GPC6: variants seen among roughly 807,000 people sequenced by gnomAD.
GPC6 encodes the protein glypican-6.
GPC6 carries 14 observed loss-of-function variants against 55.2 expected under a neutral mutation model. That is an observed-to-expected ratio of 0.25 (90% CI 0.17 to 0.40). The LOEUF is 0.40. GPC6 is among the 10% of genes least tolerant of loss of function. The pLI, the probability that GPC6 is intolerant of heterozygous loss-of-function variation, is 1.00. For missense variants in GPC6, 641 were observed against 708.5 expected (o/e 0.90, Z 1.08); for synonymous variants, 278 against 259.6 (o/e 1.07, Z -0.68).
chr13:93,969,077 T>C (rs1880172464), intron 3 of GPC6, among the ~76,000 whole-genome samples: 1 of 152,184 alleles, frequency 6.6e-6, no homozygotes, highest in South Asian at 2.1e-4. Context: ...CTCAGAAGCA[T>C]GAATAATCAT....
chr13:94,304,220 A>G (rs1173301960), intron 5 of GPC6, among the ~76,000 whole-genome samples: 1 of 152,238 alleles, frequency 6.6e-6, no homozygotes, highest in Non-Finnish European at 1.5e-5. Context: ...TGTTAAGACC[A>G]ATCTCGAGGA....
chr13:94,149,045 C>T (rs866916567), intron 4 of GPC6, among the ~76,000 whole-genome samples: 2 of 152,130 alleles, frequency 1.3e-5, no homozygotes, highest in African/African-American at 4.8e-5. Flanking sequence ...GACTTGGACT[C>T]GGCTTACAGA....
chr13:93,985,912 A>T (rs1357857980), intron 3 of GPC6, among the ~76,000 whole-genome samples: 1 of 151,948 alleles, frequency 6.6e-6, no homozygotes, highest in Non-Finnish European at 1.5e-5. Flanking sequence ...AGTGAGGACA[A>T]CCGGTTCTCT....
intron 4 of GPC6, among the ~76,000 whole-genome samples, chr13:94,185,041 G>A (rs1007330021): frequency 6.6e-6 from 1 of 152,076 alleles, no homozygotes; most frequent in Non-Finnish European, 1.5e-5. Context: ...AACACAGGAA[G>A]AGAAAACCAA....
chr13:94,347,161 A>G (rs1878333063), intron 6 of GPC6, among the ~76,000 whole-genome samples: 1 of 152,194 alleles, frequency 6.6e-6, no homozygotes, highest in South Asian at 2.1e-4. Context: ...GAGTTCCTGA[A>G]CACTGCTATC....
At chr13:93,520,804 A>G (rs2139398996) in intron 1 of GPC6, among the ~76,000 whole-genome samples, 1 of 152,034 alleles carries the variant, frequency 6.6e-6, no homozygotes, top group South Asian at 2.1e-4. Context: ...TAGACAAACT[A>G]TAGACAAACT....
At chr13:94,212,650 A>T (rs1890114315) in intron 4 of GPC6, among the ~76,000 whole-genome samples, 1 of 152,174 alleles carries the variant, frequency 6.6e-6, no homozygotes, top group African/African-American at 2.4e-5. Flanking sequence ...AACCTTGTCC[A>T]TTGATGTCAG....
intron 1 of GPC6, among the ~76,000 whole-genome samples, chr13:93,538,834 T>C (rs1016892019): frequency 6.6e-6 from 1 of 152,326 alleles, no homozygotes; most frequent in South Asian, 2.1e-4. Flanking sequence ...CCTTAACATC[T>C]ATTTCACCAT....
chr13:93,880,758 G>A (rs933430453), intron 3 of GPC6, among the ~76,000 whole-genome samples: 6 of 151,854 alleles, frequency 4.0e-5, no homozygotes, highest in Non-Finnish European at 7.4e-5. Context: ...TTGCCTCACA[G>A]TAAGGCTGAC....
At chr13:94,269,772 G>C (rs541278452) in intron 4 of GPC6, among the ~76,000 whole-genome samples, 6 of 152,276 alleles carry the variant, frequency 3.9e-5, no homozygotes, top group Admixed American at 3.9e-4. Flanking sequence ...CTCCTGACCT[G>C]ATTGACCCCA....
At chr13:94,393,317 C>A (rs190648737) in intron 7 of GPC6, among the ~76,000 whole-genome samples, 2 of 152,208 alleles carry the variant, frequency 1.3e-5, no homozygotes, top group Non-Finnish European at 2.9e-5. Flanking sequence ...AAAATTCACA[C>A]TGAGTGAGAT....
intron 4 of GPC6, among the ~76,000 whole-genome samples, chr13:94,189,726 T>C (rs1305698079): frequency 6.6e-6 from 1 of 152,110 alleles, no homozygotes. Context: ...CTCTTCTCAT[T>C]AAAATGTATG....
chr13:93,675,262 T>A (rs970131374), intron 2 of GPC6, among the ~76,000 whole-genome samples: 2 of 152,030 alleles, frequency 1.3e-5, no homozygotes, highest in African/African-American at 4.8e-5. Context: ...TTAATTATGA[T>A]GATGATGTTT....
At chr13:93,898,379 C>G (rs1876142029) in intron 3 of GPC6, among the ~76,000 whole-genome samples, 1 of 152,062 alleles carries the variant, frequency 6.6e-6, no homozygotes, top group South Asian at 2.1e-4. Flanking sequence ...CATTTTCAGA[C>G]AGGAAAATGC....
chr13:94,400,344 T>C (rs1881072174), intron 8 of GPC6, among the ~76,000 whole-genome samples: 1 of 152,234 alleles, frequency 6.6e-6, no homozygotes, highest in Non-Finnish European at 1.5e-5. Flanking sequence ...AGCCAAAATC[T>C]CCTGTCATAT....
chr13:93,938,743 A>T (rs2140360736), intron 3 of GPC6, among the ~76,000 whole-genome samples: 1 of 152,332 alleles, frequency 6.6e-6, no homozygotes, highest in East Asian at 1.9e-4. Flanking sequence ...CTTGCAGGAA[A>T]AGAAGAAACT....
chr13:93,887,218 A>T (rs966763462), intron 3 of GPC6, among the ~76,000 whole-genome samples: 2 of 152,114 alleles, frequency 1.3e-5, no homozygotes, highest in African/African-American at 4.8e-5. Context: ...TTTTATTTTT[A>T]ACATAGCAAT....
intron 2 of GPC6, among the ~76,000 whole-genome samples, chr13:93,758,401 C>A (rs952063389): frequency 6.6e-6 from 1 of 152,148 alleles, no homozygotes; most frequent in Non-Finnish European, 1.5e-5. Flanking sequence ...AATTCAACTT[C>A]AGATTTGAGT....
At chr13:93,895,726 T>TA (rs1875972130) in intron 3 of GPC6, among the ~76,000 whole-genome samples, 1 of 152,078 alleles carries the variant, frequency 6.6e-6, no homozygotes, top group South Asian at 2.1e-4. Flanking sequence ...AACCTGCTAT[T>TA]ACTGTTCTGC....
Sources: allele counts gnomAD v4.1 joint callset (sites outside exome capture counted in the v4.1 genomes callset), GRCh38; gene constraint gnomAD v4.1.1; transcripts MANE v1.5; gene names NCBI Gene and HGNC (gene_info 2026-07-23, HGNC 2026-07-21).